PTPN2: variants seen among roughly 807,000 people sequenced by gnomAD.
PTPN2 encodes protein tyrosine phosphatase non-receptor type 2.
A neutral mutation model predicts 57.3 loss-of-function variants in PTPN2; 19 were observed. The ratio of observed to expected loss-of-function variants is 0.33; its 90% confidence interval spans 0.23 to 0.49. The LOEUF is 0.49. PTPN2 is among the 20% of genes least tolerant of loss of function. The pLI, the probability that PTPN2 is intolerant of heterozygous loss-of-function variation, is 0.99. For synonymous variants in PTPN2, 153 were observed against 164.9 expected (o/e 0.93, Z 0.55); for missense variants, 358 against 501.1 (o/e 0.71, Z 2.73).
intron 4 of PTPN2, among the ~76,000 whole-genome samples, chr18:12,828,563 G>A (rs2042557967): frequency 6.6e-6 from 1 of 152,192 alleles, no homozygotes; most frequent in African/African-American, 2.4e-5. Flanking sequence ...TCATATCTTT[G>A]AGAACCAGGA....
intron 6 of PTPN2, among the ~76,000 whole-genome samples, chr18:12,815,238 C>T (rs1228067382): frequency 6.6e-6 from 1 of 151,326 alleles, no homozygotes; most frequent in African/African-American, 2.4e-5. Flanking sequence ...ATGGTAAAAC[C>T]CCGTCTCTAC....
At chr18:12,880,669 T>C (rs2044638912) in intron 1 of PTPN2, 1 of 152,320 alleles carries the variant, frequency 6.6e-6, no homozygotes. Context: ...ACTTCTGTGG[T>C]TGTTCCTCAC....
intron 2 of PTPN2, among the ~76,000 whole-genome samples, chr18:12,845,878 T>C (rs2043188421): frequency 6.6e-6 from 1 of 152,196 alleles, no homozygotes; most frequent in South Asian, 2.1e-4. Context: ...ACTCATAGTA[T>C]AGCCATCGAA....
chr18:12,834,384 T>C (rs920337389), intron 3 of PTPN2, among the ~76,000 whole-genome samples: 7 of 151,900 alleles, frequency 4.6e-5, no homozygotes, highest in African/African-American at 7.3e-5. Flanking sequence ...ATTCCTCGTG[T>C]ATAAAATAAA....
In PTPN2 at chr18:12,884,213, A is replaced by G. The variant is rs1474391912; in HGVS notation, c.-72T>C. 16 of 1,270,074 alleles carry G rather than the reference A, an allele frequency of 1.3e-5. No homozygotes were observed. The highest frequency in any genetic ancestry group is 1.6e-5 in the Non-Finnish European group (15 of 948,540). 78.7% of individuals were successfully genotyped at this position (1,270,074 alleles called of 1,614,324 possible). On this transcript the variant is annotated 5_prime_UTR_variant, in exon 1 of 9. Transcript: ENST00000309660. The stretch of plus-strand genomic sequence containing the variant: ...GGCTCAGGCCCCGCACGATCCGGGG[A>G]GAGCGCTGGCGCTGCGGCGCATGCG...
chr18:12,870,456 T>G (rs1011583601), intron 1 of PTPN2, among the ~76,000 whole-genome samples: 3,628 of 38,010 alleles, frequency 0.095, 394 homozygotes, highest in Non-Finnish European at 0.11. Context: ...TATATATATA[T>G]ATATATAGAG....
At chr18:12,836,307 G>A (rs868545935) in intron 3 of PTPN2, among the ~76,000 whole-genome samples, 40 of 152,186 alleles carry the variant, frequency 2.6e-4, no homozygotes, top group Non-Finnish European at 1.8e-4. Context: ...AAGGCCTTGT[G>A]GCTGGGCCTC....
intron 8 of PTPN2, among the ~76,000 whole-genome samples, chr18:12,799,898 T>C (rs1245533574): frequency 6.6e-6 from 1 of 152,198 alleles, no homozygotes; most frequent in South Asian, 2.1e-4. Flanking sequence ...CCCACAGCAC[T>C]GAGATTACAA....
intron 1 of PTPN2, among the ~76,000 whole-genome samples, chr18:12,879,269 G>A (rs1288117592): frequency 1.3e-5 from 2 of 152,078 alleles, no homozygotes; most frequent in African/African-American, 2.4e-5. Context: ...CTCCCAAAGC[G>A]CTGGGATTAC....
intron 7 of PTPN2, among the ~76,000 whole-genome samples, chr18:12,804,556 T>C (rs1355638159): frequency 6.7e-6 from 1 of 150,268 alleles, no homozygotes; most frequent in Non-Finnish European, 1.5e-5. Context: ...AAAAAGGAGA[T>C]ATTACAACTA....
rs764154378 is a variant in PTPN2, at chr18:12,794,347, C to A, written c.1179G>T (p.Gly393=). The A allele has an allele frequency of 2.4e-5, 39 of 1,614,082 alleles. No homozygotes were observed. In the South Asian group the frequency reaches 4.2e-4, roughly 17 times the overall value. Residue 393 remains glycine, a synonymous_variant, in exon 9 of 9, where the codon GGG becomes GGT. Transcript: ENST00000309660. ...CGCCAACCAAAATGACTGACATAAA[C>A]CCCATCTTAGTGAGAATAGGTTGCC... The part of the protein sequence containing the change: ...LYWQPILTKM[G]FMSVILVGAF...
chr18:12,787,409 A>C (rs879584415), downstream of PTPN2: 2 of 152,198 alleles, frequency 1.3e-5, no homozygotes, highest in Non-Finnish European at 2.9e-5. Context: ...ATCTGAATAT[A>C]GGGAGAATGC....
chr18:12,831,465 T>A (rs1430093499), intron 3 of PTPN2, among the ~76,000 whole-genome samples: 1 of 152,188 alleles, frequency 6.6e-6, no homozygotes, highest in Non-Finnish European at 1.5e-5. Context: ...AGTATTCATG[T>A]ACAATCTATA....
intron 7 of PTPN2, among the ~76,000 whole-genome samples, chr18:12,803,246 G>A (rs1568086772): frequency 6.6e-6 from 1 of 151,966 alleles, no homozygotes; most frequent in Non-Finnish European, 1.5e-5. Context: ...ACACACAAAT[G>A]AGAAAGAGAA....
At chr18:12,865,779 A>AT (rs1365423336) in intron 1 of PTPN2, among the ~76,000 whole-genome samples, 1 of 152,038 alleles carries the variant, frequency 6.6e-6, no homozygotes, top group Non-Finnish European at 1.5e-5. Flanking sequence ...GTGAGCCGAG[A>AT]TAACGCCACT....
At position 12,797,986 on chromosome 18, in the gene PTPN2, C is replaced by T. The variant is rs142503747; in HGVS notation, c.1041-3501G>A. 2.5e-3 allele frequency among the ~76,000 whole-genome samples: 387 copies of T among 152,196 alleles called. 2 individuals are homozygous for T. The highest frequency in any genetic ancestry group is 8.6e-3 in the African/African-American group (359 of 41,544). On this transcript the variant is annotated intron_variant, in intron 8 of 8. Transcript: ENST00000309660. ...AGTGATCCACCCGCCTCAGCCTCCCCGAGTGTTGGGATTACAGGCATGAGC... is the reference window on the plus strand; with the variant it reads ...AGTGATCCACCCGCCTCAGCCTCCCTGAGTGTTGGGATTACAGGCATGAGC...
At chr18:12,826,825 T>A (rs2042479564) in intron 4 of PTPN2, among the ~76,000 whole-genome samples, 1 of 152,008 alleles carries the variant, frequency 6.6e-6, no homozygotes, top group African/African-American at 2.4e-5. Flanking sequence ...AACCTCAGCC[T>A]CCCAAAGTGC....
chr18:12,790,386 C>G (rs1284007748), downstream of PTPN2, among the ~76,000 whole-genome samples: 2 of 152,174 alleles, frequency 1.3e-5, no homozygotes, highest in East Asian at 3.8e-4. Flanking sequence ...TGGTCTGGAA[C>G]TAGATATGTA....
chr18:12,850,121 C>G (rs1438504273), intron 2 of PTPN2, among the ~76,000 whole-genome samples: 1 of 151,972 alleles, frequency 6.6e-6, no homozygotes, highest in East Asian at 1.9e-4. Context: ...GTTGTTACTT[C>G]TTTCTGCTTT....
Sources: gnomAD v4.1 joint callset for allele counts (sites outside exome capture counted in the v4.1 genomes callset) on GRCh38, gnomAD v4.1.1 for gene constraint, MANE v1.5 for transcripts, NCBI Gene and HGNC (gene_info 2026-07-23, HGNC 2026-07-21) for gene names.